The following ASIC2 variants were observed in gnomAD, a reference collection of about 807,000 sequenced individuals.
The protein encoded by ASIC2 is acid-sensing ion channel 2.
ASIC2 carries 25 observed loss-of-function variants against 57.3 expected under a neutral mutation model. The ratio of observed to expected loss-of-function variants is 0.44; its 90% CI spans 0.32 to 0.61. The LOEUF (loss-of-function observed/expected upper bound fraction) is 0.61. Ranked by LOEUF, ASIC2 falls within the 20% of genes least tolerant of loss-of-function variation. The pLI, the probability that ASIC2 is intolerant of heterozygous loss-of-function variation, is 0.06. For synonymous variants in ASIC2, 319 were observed against 307.5 expected, an observed-to-expected ratio of 1.04 and a Z score of -0.39; for missense variants, 641 against 738.1, an observed-to-expected ratio of 0.87 and a Z score of 1.52.
At chr17:34,121,249 C>G (rs9897532) in intron 1 of ASIC2, among the ~76,000 whole-genome samples, 1 of 152,096 alleles carries the variant, frequency 6.6e-6, no homozygotes, top group African/African-American at 2.4e-5. Context: ...TTCTAGCCCC[C>G]GATCTGTGAG....
At chr17:34,099,773 A>T (rs8067260) in intron 1 of ASIC2, among the ~76,000 whole-genome samples, 1 of 43,722 alleles carries the variant, frequency 2.3e-5, no homozygotes, top group South Asian at 9.4e-4. Flanking sequence ...AAAGAAAGAA[A>T]GAAAGAAAGA....
chr17:33,159,626 T>C (rs1176217287), intron 1 of ASIC2, among the ~76,000 whole-genome samples: 1 of 152,164 alleles, frequency 6.6e-6, no homozygotes, highest in Non-Finnish European at 1.5e-5. Context: ...ATGGAGGACT[T>C]TGGGTCCTAA....
At chr17:33,088,499 T>C (rs2092144279) in intron 3 of ASIC2, among the ~76,000 whole-genome samples, 2 of 152,040 alleles carry the variant, frequency 1.3e-5, no homozygotes, top group Non-Finnish European at 2.9e-5. Flanking sequence ...CTTTGAATTG[T>C]ATTAACGCAA....
rs528358742 is a variant in ASIC2 at position 33,380,102 on chromosome 17, C to T, written c.556-268035G>A. ...CTCTAGTAAAAATACAAAAATTAGC[C>T]GGGAGTGCTGGCACGTGCCTGTAAT... On this transcript the variant is annotated intron_variant, in intron 1 of 9. Coordinates refer to the ASIC2 transcript ENST00000359872. Among the ~76,000 whole-genome samples the T allele has an allele frequency of 5.9e-5, 9 of 151,614 alleles. No homozygotes were observed. In the East Asian group the frequency reaches 7.8e-4, roughly 13 times the overall value.
At chr17:33,790,625 T>C (rs752327198) in intron 1 of ASIC2, among the ~76,000 whole-genome samples, 7 of 152,118 alleles carry the variant, frequency 4.6e-5, no homozygotes, top group Non-Finnish European at 1.0e-4. Flanking sequence ...CTACAGACTT[T>C]AGCTTTCCTT....
intron 1 of ASIC2, among the ~76,000 whole-genome samples, chr17:33,640,677 A>G (rs887491127): frequency 6.6e-6 from 1 of 152,242 alleles, no homozygotes; most frequent in African/African-American, 2.4e-5. Flanking sequence ...GGTTTACAGT[A>G]GAAATGCGTG....
At chr17:33,951,444 G>A (rs1377063196) in intron 1 of ASIC2, among the ~76,000 whole-genome samples, 4 of 152,090 alleles carry the variant, frequency 2.6e-5, no homozygotes, top group South Asian at 2.1e-4. Context: ...CATGGTCCCC[G>A]TTCCTTTATG....
At chr17:33,693,661 G>T (rs746004443) in intron 1 of ASIC2, among the ~76,000 whole-genome samples, 9 of 152,324 alleles carry the variant, frequency 5.9e-5, no homozygotes, top group Admixed American at 1.3e-4. Flanking sequence ...GAGAAGAGGG[G>T]TGTCAAAGGA....
intron 1 of ASIC2, among the ~76,000 whole-genome samples, chr17:34,066,642 AT>A (rs1909182695): frequency 6.6e-6 from 1 of 152,086 alleles, no homozygotes; most frequent in Non-Finnish European, 1.5e-5. Context: ...CCATACAATT[AT>A]TTGGGTATTG....
chr17:33,270,665 G>A (rs1469357845), intron 1 of ASIC2, among the ~76,000 whole-genome samples: 1 of 152,160 alleles, frequency 6.6e-6, no homozygotes, highest in African/African-American at 2.4e-5. Context: ...CTACCTGTCT[G>A]TTTCTTATAT....
chr17:33,417,755 C>T (rs1910899591), intron 1 of ASIC2, among the ~76,000 whole-genome samples: 4 of 152,142 alleles, frequency 2.6e-5, no homozygotes. Context: ...ACAGTTGCCA[C>T]TTTATGATCC....
intron 1 of ASIC2, among the ~76,000 whole-genome samples, chr17:34,108,794 T>C (rs1483706898): frequency 6.6e-6 from 1 of 152,128 alleles, no homozygotes; most frequent in Non-Finnish European, 1.5e-5. Context: ...CTTCGTTATA[T>C]TTTGAAACTC....
intron 1 of ASIC2, among the ~76,000 whole-genome samples, chr17:34,040,140 C>CCGCGGGGG (rs539830728): frequency 1.2e-5 from 1 of 86,578 alleles, no homozygotes; most frequent in Non-Finnish European, 2.1e-5. Flanking sequence ...GCCCGGGCGG[C>CCGCGGGGG]CACGGGACCG....
intron 1 of ASIC2, among the ~76,000 whole-genome samples, chr17:33,574,123 C>G (rs12451588): frequency 0.2 from 29,817 of 152,212 alleles, 3,030 homozygotes; most frequent in South Asian, 0.35. Flanking sequence ...TTTGACTTAA[C>G]TAAATAATAC....
At chr17:33,412,145 G>T (rs1354409036) in intron 1 of ASIC2, among the ~76,000 whole-genome samples, 1 of 152,124 alleles carries the variant, frequency 6.6e-6, no homozygotes, top group Non-Finnish European at 1.5e-5. Flanking sequence ...CTGAGCCTTC[G>T]TTGGGCCAGT....
At chr17:34,126,651 G>A (rs183954266) in intron 1 of ASIC2, among the ~76,000 whole-genome samples, 14 of 152,172 alleles carry the variant, frequency 9.2e-5, no homozygotes, top group South Asian at 8.3e-4. Flanking sequence ...CAGTACCACC[G>A]GCCTGCTGCT....
At chr17:33,880,644 C>T (rs1914675862) in intron 1 of ASIC2, among the ~76,000 whole-genome samples, 1 of 152,106 alleles carries the variant, frequency 6.6e-6, no homozygotes, top group South Asian at 2.1e-4. Context: ...AAGTCCAGGA[C>T]CATATGGATT....
intron 1 of ASIC2, among the ~76,000 whole-genome samples, chr17:33,332,662 AG>A (rs1907361049): frequency 6.6e-6 from 1 of 152,134 alleles, no homozygotes. Flanking sequence ...AGGCTGAGGC[AG>A]GTGGATCACC....
At chr17:33,051,442 A>T (rs999931729) in intron 3 of ASIC2, among the ~76,000 whole-genome samples, 1 of 152,194 alleles carries the variant, frequency 6.6e-6, no homozygotes, top group African/African-American at 2.4e-5. Flanking sequence ...GACTATCACA[A>T]TATTCACAGC....
Sources: gnomAD v4.1 joint callset for allele counts (sites outside exome capture counted in the v4.1 genomes callset) on GRCh38, gnomAD v4.1.1 for gene constraint, MANE v1.5 for transcripts, NCBI Gene and HGNC (gene_info 2026-07-23, HGNC 2026-07-21) for gene names.